The following URB2 variants were observed in gnomAD, a reference collection of about 807,000 sequenced individuals.
URB2 encodes the protein URB2 ribosome biogenesis homolog, also known as unhealthy ribosome biogenesis protein 2 homolog.
URB2 carries 86 observed loss-of-function variants against 120.9 expected under a neutral mutation model. The observed-to-expected ratio is 0.71, with a 90% CI of 0.60 to 0.85. URB2 has a LOEUF of 0.85. Ranked by LOEUF, URB2 falls within the 40% of genes least tolerant of loss-of-function variation. The probability of loss-of-function intolerance (pLI) is 0.00; values close to 1 mark genes in which losing one functional copy is unlikely to be tolerated. For synonymous variants in URB2, 755 were observed against 758.4 expected (o/e 1.00, Z 0.07); for missense variants, 1,765 against 1,836.5 (o/e 0.96, Z 0.71).
chr1:229,626,735 G>C (rs1665493810), intron 1 of URB2, among the ~76,000 whole-genome samples: 1 of 152,272 alleles, frequency 6.6e-6, no homozygotes, highest in Non-Finnish European at 1.5e-5. Context: ...GGTTGTCTTT[G>C]TAGCCAGTTC....
intron 2 of URB2, among the ~76,000 whole-genome samples, chr1:229,629,969 C>G (rs933775336): frequency 6.6e-6 from 1 of 152,214 alleles, no homozygotes; most frequent in Non-Finnish European, 1.5e-5. Flanking sequence ...AACAACTTAT[C>G]CATTCAAGTT....
At chr1:229,654,094 C>T (rs1259623157) in intron 8 of URB2, among the ~76,000 whole-genome samples, 155 bp from the exon 9 acceptor site, 1 of 151,740 alleles carries the variant, frequency 6.6e-6, no homozygotes, top group East Asian at 1.9e-4. Flanking sequence ...CATATCTGTT[C>T]TCCCTTATTC....
intron 4 of URB2, 81 bp from the exon 5 acceptor site, chr1:229,643,452 G>C (rs369167624): frequency 9.1e-6 from 14 of 1,533,986 alleles, no homozygotes; most frequent in Non-Finnish European, 1.3e-5. Context: ...GGCCACAGCT[G>C]TGCGCAGTTT....
intron 8 of URB2, among the ~76,000 whole-genome samples, chr1:229,652,276 G>T (rs1189423694): frequency 1.3e-5 from 2 of 152,106 alleles, no homozygotes; most frequent in Non-Finnish European, 2.9e-5. Flanking sequence ...GCCCTGTACT[G>T]TCTGATGTGC....
chr1:229,649,310 A>G (rs184178540), intron 7 of URB2, among the ~76,000 whole-genome samples: 11 of 152,284 alleles, frequency 7.2e-5, no homozygotes, highest in African/African-American at 2.4e-4. Flanking sequence ...CTTTGACCCT[A>G]TTTATCTTGT....
chr1:229,647,520 G>A lies in URB2; in HGVS notation c.3917G>A (p.Arg1306Gln), dbSNP rs142409402. ...TATTTTGCCCTTTAGCTCTTAAACC[G>A]AGAAGCTTCTCAGGAGCAGCCTGTG... is the stretch of plus-strand genomic sequence containing the variant. ...QIVTALTLLN[R>Q]EASQEQPVSL... Residue 1306 changes from arginine (R) to glutamine (Q), a missense_variant, in exon 7 of 10, where the codon CGA becomes CAA. Arg to Gln is a conservative substitution (Grantham distance 43). Coordinates refer to ENST00000258243, the MANE Select transcript of URB2 (RefSeq NM_014777.4). 257 of 1,612,996 alleles carry A rather than the reference G, an allele frequency of 1.6e-4. No individual in the cohort carries two copies. Among genetic ancestry groups the A allele is most frequent in the Non-Finnish European group, 2.0e-4 (241 of 1,179,280 alleles).
Position 229,636,904 on chromosome 1 carries a change from G to C in URB2, c.2291G>C (p.Ser764Thr). 1 of 1,611,780 alleles carries C rather than the reference G, an allele frequency of 6.2e-7. No individual in the cohort carries two copies. The highest frequency in any genetic ancestry group is 2.2e-5 in the East Asian group (1 of 44,842). Residue 764 changes from serine to threonine, a missense_variant, in exon 4 of 10, where the codon AGT becomes ACT. Transcript: ENST00000258243. ...LCPDDVGYLA[S>T]VLLRTLPMGK... ...CCAGATGATGTGGGATACCTGGCCA[G>C]TGTCCTGCTGAGAACTTTACCCATG...
intron 3 of URB2, among the ~76,000 whole-genome samples, chr1:229,633,731 G>T (rs1665725511): frequency 2.0e-5 from 3 of 152,230 alleles, no homozygotes; most frequent in African/African-American, 7.2e-5. Flanking sequence ...TATAGAATCT[G>T]CCTGATTCTC....
At chr1:229,651,147 A>G in intron 7 of URB2, 88 bp from the exon 8 acceptor site, 1 of 1,276,538 alleles carries the variant, frequency 7.8e-7, no homozygotes, top group Non-Finnish European at 1.0e-6. Flanking sequence ...AGACTAGGCT[A>G]AGAAAGAAAT....
chr1:229,647,414 C>T (rs1666170314), intron 6 of URB2, 96 bp from the exon 7 acceptor site: 4 of 1,457,496 alleles, frequency 2.7e-6, no homozygotes, highest in Admixed American at 4.1e-5. Flanking sequence ...TTTTGGAGCA[C>T]AGACATTTCT....
chr1:229,647,544 T>C lies in URB2; in HGVS notation c.3941T>C (p.Val1314Ala), dbSNP rs1317436966. The change falls in exon 7 of 10, where the codon GTG (valine) becomes GCG (alanine). Residue 1314 changes from valine to alanine, a missense_variant. By Grantham distance (64) the Val-to-Ala change is moderately conservative (BLOSUM62 0). Transcript: ENST00000258243. ...LNREASQEQP[V>A]SLTVVGPVLD... ...CGAGAAGCTTCTCAGGAGCAGCCTG[T>C]GTCCCTCACAGTGGTCGGGCCTGTC... The C allele has an allele frequency of 6.2e-7, 1 of 1,614,096 alleles. No individual in the cohort carries two copies. The highest frequency in any genetic ancestry group is 1.3e-5 in the African/African-American group (1 of 74,936).
Position 229,659,359 on chromosome 1 carries a change from A to G in URB2, c.*62A>G. The G allele has an allele frequency of 2.0e-6, 3 of 1,537,738 alleles. No individual in the cohort carries two copies. The highest frequency in any genetic ancestry group is 2.7e-6 in the Non-Finnish European group (3 of 1,123,556). ...AGAGGCTTTGGCTGCATGGTCTGAA[A>G]GAGCTGGAGAATGAAAGACTTAAGA... On this transcript the variant is annotated 3_prime_UTR_variant, in exon 10 of 10. Coordinates refer to ENST00000258243, the MANE Select transcript of URB2 (RefSeq NM_014777.4).
chr1:229,637,852 C>T lies in URB2; in HGVS notation c.3239C>T (p.Ala1080Val), dbSNP rs1474694785. Residue 1080 changes from alanine to valine, a missense_variant, in exon 4 of 10, where the codon GCC becomes GTC. Transcript: ENST00000258243. ...AAAGAGCAGAAGCTGGGCCAAGAGGCCCCAGCAGCACTGTCTGAGCTGCTG... is the reference window on the plus strand; with the variant it reads ...AAAGAGCAGAAGCTGGGCCAAGAGGTCCCAGCAGCACTGTCTGAGCTGCTG... ...FLKEQKLGQE[A>V]PAALSELLQQ... is the part of the protein sequence containing the mutation. The T allele has an allele frequency of 1.9e-6, 3 of 1,603,882 alleles. No individual in the cohort carries two copies. In the Admixed American group the frequency reaches 5.2e-5, roughly 28 times the overall value.
intron 9 of URB2, among the ~76,000 whole-genome samples, chr1:229,656,112 A>G (rs113428714): frequency 0.027 from 4,097 of 152,344 alleles, 176 homozygotes; most frequent in African/African-American, 0.092. Context: ...TCCTTTGACC[A>G]AGATGTGGGC....
chr1:229,648,463 T>C (rs1666202432), intron 7 of URB2, among the ~76,000 whole-genome samples: 1 of 152,352 alleles, frequency 6.6e-6, no homozygotes, highest in South Asian at 2.1e-4. Flanking sequence ...ATATAGGGAA[T>C]GAAGCATCCT....
rs770780048 is a variant in URB2 at position 229,632,361 on chromosome 1, T to TATA, written c.220_222dup (p.Ile74dup). 1.6e-5 allele frequency: 26 copies of TATA among 1,590,150 alleles called. No individual in the cohort carries two copies. The highest frequency in any genetic ancestry group is 3.7e-5 in the Admixed American group (2 of 54,070). On this transcript the variant is annotated inframe_insertion, in exon 3 of 10. Transcript: ENST00000258243. ...ATATTGTTGAAAGGCTTTGGATCTA[T>TATA]ATAGATAACATTTTACATAGCAGAA... is the stretch of plus-strand genomic sequence containing the variant.
At position 229,628,167 on chromosome 1, in the gene URB2, G is replaced by GTATATATTATACATATACATAT. The variant is rs1158716825; in HGVS notation, c.126+415_126+416insTATACATATACATATTATATAT. Among the ~76,000 whole-genome samples the GTATATATTATACATATACATAT allele has an allele frequency of 5.5e-4, 64 of 116,098 alleles. 1 individual carries two copies. In the South Asian group the frequency reaches 8.4e-3, roughly 15 times the overall value. The allele number at this position is 116,098 out of a possible 152,430, so 76.2% of individuals were successfully genotyped here. ...ATATAATATATATAGTATATGTATA[G>GTATATATTATACATATACATAT]TATATATGTATATAATATATATAAT... is the stretch of plus-strand genomic sequence containing the variant. On this transcript the variant is annotated intron_variant, in intron 2 of 9. Coordinates refer to ENST00000258243, the MANE Select transcript of URB2 (RefSeq NM_014777.4).
chr1:229,630,533 C>T (rs1033905105), intron 2 of URB2, among the ~76,000 whole-genome samples: 2 of 152,140 alleles, frequency 1.3e-5, no homozygotes, highest in African/African-American at 4.8e-5. Context: ...AGAGCACAAA[C>T]AGAGTAGATT....
rs773727594 is a variant in URB2 at position 229,636,578 on chromosome 1, T to G, written c.1965T>G (p.His655Gln). ...TGCTCCCAGGTGTAAAAACACAGCA[T>G]TGGAAGAAGATAGAGAAGTTTACAG... Reference protein sequence around the residue: ...PSLLPGVKTQHWKKIEKFTAQ... With the variant: ...PSLLPGVKTQQWKKIEKFTAQ... The change falls in exon 4 of 10, where the codon CAT (histidine) becomes CAG (glutamine). Residue 655 changes from histidine (H) to glutamine (Q), a missense_variant. Coordinates refer to ENST00000258243, the MANE Select transcript of URB2 (RefSeq NM_014777.4). 2 of 1,614,144 alleles carry G rather than the reference T, an allele frequency of 1.2e-6. No homozygotes were observed. The highest frequency in any genetic ancestry group is 1.7e-6 in the Non-Finnish European group (2 of 1,179,984).
Sources: gnomAD v4.1 joint callset for allele counts (sites outside exome capture counted in the v4.1 genomes callset) on GRCh38, gnomAD v4.1.1 for gene constraint, MANE v1.5 for transcripts, NCBI Gene and HGNC (gene_info 2026-07-23, HGNC 2026-07-21) for gene names.